The following PRKAB1 variants were observed in gnomAD, a reference collection of about 807,000 sequenced individuals.
PRKAB1 encodes the protein 5'-AMP-activated protein kinase subunit beta-1.
Under a neutral mutation model 32.0 loss-of-function variants are expected in PRKAB1, and 18 were observed. The ratio of observed to expected loss-of-function variants is 0.56; its 90% confidence interval spans 0.39 to 0.83. The LOEUF (loss-of-function observed/expected upper bound fraction) is 0.83, where lower values mean the gene tolerates loss of function less well. PRKAB1 is among the 40% of genes least tolerant of loss of function. The pLI is 0.00. For synonymous variants in PRKAB1, 141 were observed against 141.4 expected (o/e 1.00, Z 0.02); for missense variants, 263 against 352.6 (o/e 0.75, Z 2.03).
At chr12:119,672,660 A>G (rs1265644600) in intron 2 of PRKAB1, among the ~76,000 whole-genome samples, 196 bp downstream of exon 2, 1 of 152,182 alleles carries the variant, frequency 6.6e-6, no homozygotes, top group South Asian at 2.1e-4. Context: ...AAGAAAGAGA[A>G]TATTTCTGTG....
intron 5 of PRKAB1, chr12:119,677,776 T>G (rs2136858996): frequency 6.7e-6 from 1 of 148,336 alleles, no homozygotes; most frequent in East Asian, 2.0e-4. Context: ...TTTTTTTTTT[T>G]TTTTTTGAGA....
In PRKAB1 at chr12:119,679,238, T is replaced by A. The variant is rs1955447596; in HGVS notation, c.667-695T>A. ...GTGCCAGATCCTTGGTAGTTGGTGC[T>A]CTCAGCAGCCACCCTGAATGGCCTC... On this transcript the variant is annotated intron_variant, in intron 5 of 6. Transcript: ENST00000229328. This position sits in a 1 kb window ranked among gnomAD's most constrained non-coding sequence, Gnocchi z 4.1. 1 of 152,324 alleles carries A rather than the reference T, an allele frequency of 6.6e-6. No homozygotes were observed. Among genetic ancestry groups the A allele is most frequent in the Non-Finnish European group, 1.5e-5 (1 of 68,132 alleles). 9.4% of individuals were successfully genotyped at this position (152,324 alleles called of 1,614,324 possible). A position where few individuals can be genotyped will look rare whatever the true frequency, so the allele number is the denominator to read the frequency against.
At chr12:119,672,539 A>T (rs571365614) in intron 2 of PRKAB1, 75 bp downstream of exon 2, 2 of 1,386,014 alleles carry the variant, frequency 1.4e-6, no homozygotes, top group Admixed American at 5.6e-5. Flanking sequence ...CTGAGAGAGA[A>T]CAGAAAATGG....
intron 1 of PRKAB1, among the ~76,000 whole-genome samples, chr12:119,670,708 C>G (rs1337574345): frequency 6.6e-6 from 1 of 152,212 alleles, no homozygotes; most frequent in Admixed American, 6.5e-5. Context: ...AGCGTCCATT[C>G]TCACTTCATT....
intron 4 of PRKAB1, among the ~76,000 whole-genome samples, chr12:119,675,147 C>T (rs1209040716): frequency 6.6e-6 from 1 of 152,202 alleles, no homozygotes; most frequent in African/African-American, 2.4e-5. Context: ...AAGTGTTCCC[C>T]TTCTTGGAGG....
At position 119,670,436 on chromosome 12, in the gene PRKAB1, A is replaced by G. The variant is rs139505291; in HGVS notation, c.160-1865A>G. Among the ~76,000 whole-genome samples the G allele has an allele frequency of 3.8e-3, 579 of 152,300 alleles. 2 individuals are homozygous for G. Among genetic ancestry groups the G allele is most frequent in the African/African-American group, 0.013 (543 of 41,548 alleles). ...AAAGAGGCTGCTTTTATGTGGCCCT[A>G]CAACCTGTGGTTTGAACTTGCTCTC... On this transcript the variant is annotated intron_variant, in intron 1 of 6. Transcript: ENST00000229328.
At chr12:119,676,806 T>C in intron 5 of PRKAB1, 136 bp downstream of exon 5, 1 of 1,217,054 alleles carries the variant, frequency 8.2e-7, no homozygotes, top group Non-Finnish European at 1.1e-6. Flanking sequence ...GCCGTTCACC[T>C]CTGCTGTGGG....
At position 119,668,224 on chromosome 12, in the gene PRKAB1, G is replaced by A. The variant is rs774447370; in HGVS notation, c.-21G>A. 1 of 1,554,084 alleles carries A rather than the reference G, an allele frequency of 6.4e-7. No homozygotes were observed. The highest frequency in any genetic ancestry group is 8.6e-7 in the Non-Finnish European group (1 of 1,156,898). ...CAGTGAGGCGCCGTCCGCCTTCCCT[G>A]TGTCCCCGCAGACCCCCATCATGGG... On this transcript the variant is annotated 5_prime_UTR_variant, in exon 1 of 7. In the 5' UTR this introduces an upstream ATG that the reference lacks. Transcript: ENST00000229328.
chr12:119,670,463 G>C (rs551142567), intron 1 of PRKAB1, among the ~76,000 whole-genome samples: 1 of 152,266 alleles, frequency 6.6e-6, no homozygotes, highest in South Asian at 2.1e-4. Context: ...CTTGCTCTCT[G>C]AATTTGTTGC....
At position 119,680,104 on chromosome 12, in the gene PRKAB1, C is replaced by T. The variant is rs74700997; in HGVS notation, c.735+103C>T. 3.1e-4 allele frequency: 473 copies of T among 1,506,482 alleles called. 3 individuals are homozygous for T. In the African/African-American group the frequency reaches 5.7e-3, roughly 18 times the overall value. The allele number at this position is 1,506,482 out of a possible 1,614,324, so 93.3% of individuals were successfully genotyped here. A position where few individuals can be genotyped will look rare whatever the true frequency, so the allele number is the denominator to read the frequency against. ...GCGGGACTGACTTAAAGGGCAGCTT[C>T]CAGGGTCTGGCACAGGCCATCAGGC... On this transcript the variant is annotated intron_variant, in intron 6 of 6. Coordinates refer to ENST00000229328, the MANE Select transcript of PRKAB1 (RefSeq NM_006253.5).
intron 1 of PRKAB1, chr12:119,671,462 C>A: frequency 2.4e-6 from 1 of 416,498 alleles, no homozygotes; most frequent in Admixed American, 2.6e-5. Context: ...CCTTAGGAAA[C>A]TTACAATCAT....
intron 1 of PRKAB1, chr12:119,671,507 G>A (rs1056557432): frequency 2.4e-6 from 1 of 419,216 alleles, no homozygotes. Context: ...CGGCAGAAGA[G>A]AATGAGAGCA....
At chr12:119,668,471 T>C in intron 1 of PRKAB1, 68 bp downstream of exon 1, 1 of 1,556,136 alleles carries the variant, frequency 6.4e-7, no homozygotes, top group South Asian at 1.2e-5. Context: ...TCCACTAGAT[T>C]CCCGTCACAT....
chr12:119,676,658 C>A lies in PRKAB1; in HGVS notation c.654C>A (p.Asp218Glu). 6.2e-7 allele frequency: 1 copy of A among 1,614,022 alleles called. No individual in the cohort carries two copies. ...PHLLQVILNK[D>E]TGISCDPALL... Reference sequence around the variant, plus strand: ...TCCTCCAGGTCATCCTGAACAAGGACACGGGGATTTCCGTAAGTATGTGGG... The same window carrying A: ...TCCTCCAGGTCATCCTGAACAAGGAAACGGGGATTTCCGTAAGTATGTGGG... Residue 218 changes from aspartate (D) to glutamate (E), a missense_variant, in exon 5 of 7, where the codon GAC becomes GAA. Asp to Glu is a conservative substitution (Grantham distance 45, BLOSUM62 2). Transcript: ENST00000229328.
chr12:119,673,046 T>G (rs986958795), intron 2 of PRKAB1, among the ~76,000 whole-genome samples: 4 of 151,654 alleles, frequency 2.6e-5, no homozygotes, highest in Non-Finnish European at 4.4e-5. Context: ...CTGGGCAACA[T>G]AGTGAGACCC....
intron 4 of PRKAB1, among the ~76,000 whole-genome samples, chr12:119,675,690 CT>C (rs1565876513): frequency 6.6e-6 from 1 of 152,204 alleles, no homozygotes; most frequent in Non-Finnish European, 1.5e-5. Context: ...GTTTTCTGCA[CT>C]TCATGCTTTT....
chr12:119,668,178 T>G lies in PRKAB1; in HGVS notation c.-67T>G. 2 of 1,447,128 alleles carry G rather than the reference T, an allele frequency of 1.4e-6. No homozygotes were observed. The highest frequency in any genetic ancestry group is 1.8e-6 in the Non-Finnish European group (2 of 1,103,490). The allele number at this position is 1,447,128 out of a possible 1,614,324, so 89.6% of individuals were successfully genotyped here. Reference sequence around the variant, plus strand: ...TGGGACCCGCGGTTCCGGGAGTCCCTTGCTCAGGGTCCCTTTCCTGCAGTG... The same window carrying G: ...TGGGACCCGCGGTTCCGGGAGTCCCGTGCTCAGGGTCCCTTTCCTGCAGTG... On this transcript the variant is annotated 5_prime_UTR_variant, in exon 1 of 7. Transcript: ENST00000229328.
chr12:119,675,370 A>C (rs572333346), intron 4 of PRKAB1, among the ~76,000 whole-genome samples: 1 of 152,356 alleles, frequency 6.6e-6, no homozygotes, highest in Non-Finnish European at 1.5e-5. Flanking sequence ...TGTGGTTGAC[A>C]GTTTGTTGAG....
chr12:119,673,780 TC>T, intron 2 of PRKAB1, 183 bp from the exon 3 acceptor site: 1 of 493,594 alleles, frequency 2.0e-6, no homozygotes. Flanking sequence ...CACTGCTGCT[TC>T]CTTATAGCCT....
Sources: allele counts gnomAD v4.1 joint callset (sites outside exome capture counted in the v4.1 genomes callset), GRCh38; gene constraint gnomAD v4.1.1; non-coding constraint Gnocchi (gnomAD v3.1); transcripts MANE v1.5; gene names NCBI Gene and HGNC (gene_info 2026-07-23, HGNC 2026-07-21).